Variants in TMEM182 observed in about 807,000 individuals in gnomAD.
TMEM182 encodes the protein transmembrane protein 182.
Under a neutral mutation model 26.8 loss-of-function variants are expected in TMEM182, and 20 were observed. That is an observed-to-expected ratio of 0.75 (90% confidence interval 0.53 to 1.09). TMEM182 has a LOEUF of 1.09. Ranked by LOEUF, TMEM182 falls within the 50% of genes least tolerant of loss-of-function variation. The pLI is 0.00. For missense variants in TMEM182, 277 were observed against 275.5 expected (o/e 1.01, Z -0.04); for synonymous variants, 109 against 102.2 (o/e 1.07, Z -0.40).
intron 1 of TMEM182, among the ~76,000 whole-genome samples, chr2:102,752,008 C>G (rs1679888726): frequency 6.6e-6 from 1 of 152,142 alleles, no homozygotes; most frequent in Non-Finnish European, 1.5e-5. Context: ...TCAGAGCCCA[C>G]CCTTTTGATC....
chr2:102,789,004 A>C (rs543097757), intron 3 of TMEM182, among the ~76,000 whole-genome samples: 1 of 152,182 alleles, frequency 6.6e-6, no homozygotes, highest in African/African-American at 2.4e-5. Context: ...CAAGACAAGC[A>C]GTGTATGGAG....
chr2:102,769,927 A>G (rs1336601267), intron 3 of TMEM182, among the ~76,000 whole-genome samples: 1 of 152,216 alleles, frequency 6.6e-6, no homozygotes, highest in East Asian at 1.9e-4. Context: ...ACTTGAGTTG[A>G]TGGTGGAATA....
intron 3 of TMEM182, among the ~76,000 whole-genome samples, chr2:102,769,810 C>T (rs1451100072): frequency 6.6e-6 from 1 of 152,086 alleles, no homozygotes; most frequent in Non-Finnish European, 1.5e-5. Context: ...CTGTGAATTA[C>T]TTTTGACTAA....
At chr2:102,835,116 G>T (rs1190799417) in intron 3 of TMEM182, among the ~76,000 whole-genome samples, 1 of 152,154 alleles carries the variant, frequency 6.6e-6, no homozygotes, top group Non-Finnish European at 1.5e-5. Flanking sequence ...AAGTGCTGTA[G>T]AAATGCTAAA....
chr2:102,810,075 A>G (rs1558785414), intron 4 of TMEM182, among the ~76,000 whole-genome samples: 1 of 152,212 alleles, frequency 6.6e-6, no homozygotes, highest in South Asian at 2.1e-4. Context: ...AGTTACATCT[A>G]AGAAGTGAAA....
intron 3 of TMEM182, among the ~76,000 whole-genome samples, chr2:102,773,199 T>C (rs1323820499): frequency 6.6e-6 from 1 of 151,218 alleles, no homozygotes; most frequent in African/African-American, 2.4e-5. Context: ...GGAACAGTAG[T>C]CCAAAAAAAA....
intron 4 of TMEM182, among the ~76,000 whole-genome samples, chr2:102,802,033 G>A (rs932443168): frequency 6.6e-6 from 1 of 152,190 alleles, no homozygotes; most frequent in African/African-American, 2.4e-5. Flanking sequence ...CCAACCCTGG[G>A]CCAGCATATT....
At chr2:102,739,917 C>A (rs748409404) in intron 1 of TMEM182, among the ~76,000 whole-genome samples, 1 of 152,068 alleles carries the variant, frequency 6.6e-6, no homozygotes. Context: ...CTGATCCAGT[C>A]GTCCTATGTC....
At chr2:102,810,773 T>A (rs1682528475) in intron 4 of TMEM182, among the ~76,000 whole-genome samples, 1 of 152,188 alleles carries the variant, frequency 6.6e-6, no homozygotes, top group South Asian at 2.1e-4. Context: ...GAAATAAATG[T>A]GTGCTTTCCA....
intron 4 of TMEM182, among the ~76,000 whole-genome samples, chr2:102,802,227 C>T (rs373440576): frequency 6.6e-6 from 1 of 152,182 alleles, no homozygotes; most frequent in South Asian, 2.1e-4. Context: ...TCTTTGGCAT[C>T]AGCAGCACTG....
chr2:102,786,210 G>GTTTTTTTTTTTTTTTTTTTTTTTTTTTT (rs772846502), intron 3 of TMEM182, among the ~76,000 whole-genome samples: 1 of 91,796 alleles, frequency 1.1e-5, no homozygotes, highest in Non-Finnish European at 2.0e-5. Flanking sequence ...TCAGCAATCT[G>GTTTTTTTTTTTTTTTTTTTTTTTTTTTT]TTTTTTTTTT....
intron 1 of TMEM182, among the ~76,000 whole-genome samples, chr2:102,755,877 C>T (rs991178791): frequency 6.6e-6 from 1 of 152,132 alleles, no homozygotes. Context: ...ATTCTAAAAA[C>T]CGTCTAGGAA....
At chr2:102,840,264 TA>T (rs1683324018) in intron 3 of TMEM182, among the ~76,000 whole-genome samples, 1 of 152,114 alleles carries the variant, frequency 6.6e-6, no homozygotes, top group Non-Finnish European at 1.5e-5. Context: ...GATAGAGAGT[TA>T]TTGACTTGCT....
At chr2:102,784,300 G>A (rs1681295380) in intron 3 of TMEM182, among the ~76,000 whole-genome samples, 1 of 151,830 alleles carries the variant, frequency 6.6e-6, no homozygotes, top group Non-Finnish European at 1.5e-5. Context: ...TAAGAAAAAA[G>A]CATCAGGAAA....
At position 102,816,548 on chromosome 2, in the gene TMEM182, A is replaced by ATAATAAT; in HGVS notation, c.*1580_*1581insTAATAAT. On this transcript the variant is annotated 3_prime_UTR_variant, in exon 5 of 5. Transcript: ENST00000412401. ...AATAATAATAATAATAATAATAATA[A>ATAATAAT]AGCTCCAGAGGCCTAACTGGTTTCT... is the stretch of plus-strand genomic sequence containing the variant. 2.1e-6 allele frequency: 2 copies of ATAATAAT among 973,742 alleles called. No homozygotes were observed. The highest frequency in any genetic ancestry group is 2.4e-6 in the Non-Finnish European group (2 of 820,726). 60.3% of individuals were successfully genotyped at this position (973,742 alleles called of 1,614,324 possible).
chr2:102,772,636 G>A (rs1024967495), intron 3 of TMEM182, among the ~76,000 whole-genome samples: 1 of 152,078 alleles, frequency 6.6e-6, no homozygotes, highest in Non-Finnish European at 1.5e-5. Context: ...CTGGGCTTCC[G>A]GTCTGCCTTC....
exon 1 of TMEM182, chr2:102,736,985 A>G (rs1480565709): frequency 1.5e-6 from 1 of 666,364 alleles, no homozygotes; most frequent in Non-Finnish European, 2.5e-6. Context: ...GTCTCAGGCA[A>G]GGTGGGGACT....
At chr2:102,806,544 T>C (rs1682356310) in intron 4 of TMEM182, among the ~76,000 whole-genome samples, 1 of 152,212 alleles carries the variant, frequency 6.6e-6, no homozygotes, top group Non-Finnish European at 1.5e-5. Context: ...AGCGAGTTTA[T>C]TCTTTTGCCT....
chr2:102,753,194 T>TC (rs1553436423), intron 1 of TMEM182, among the ~76,000 whole-genome samples: 40,246 of 137,846 alleles, frequency 0.29, 5,575 homozygotes, highest in African/African-American at 0.31. Context: ...GTTTTAAGCT[T>TC]CCCCCCCCCA....
Sources: gnomAD v4.1 joint callset for allele counts (sites outside exome capture counted in the v4.1 genomes callset) on GRCh38, gnomAD v4.1.1 for gene constraint, MANE v1.5 for transcripts, NCBI Gene and HGNC (gene_info 2026-07-23, HGNC 2026-07-21) for gene names.